CLIC4: variants seen among roughly 807,000 people sequenced by gnomAD.
CLIC4 encodes chloride intracellular channel protein 4.
Under a neutral mutation model 24.6 loss-of-function variants are expected in CLIC4, and 13 were observed. That is an observed-to-expected ratio of 0.53 (90% CI 0.34 to 0.84). The LOEUF is 0.84. Among genes scored for constraint, CLIC4 ranks in the 40% least tolerant of loss-of-function variants. The pLI is 0.01. For synonymous variants in CLIC4, 104 were observed against 111.3 expected (o/e 0.93, Z 0.41); for missense variants, 227 against 301.7 (o/e 0.75, Z 1.83).
chr1:24,787,094 T>A (rs954651991), intron 1 of CLIC4, among the ~76,000 whole-genome samples: 19 of 152,312 alleles, frequency 1.2e-4, no homozygotes, highest in South Asian at 4.1e-4. Context: ...GCTAATTTTT[T>A]AAAATTTTTT....
chr1:24,758,647 G>A (rs1164069848), intron 1 of CLIC4, among the ~76,000 whole-genome samples: 7 of 152,172 alleles, frequency 4.6e-5, no homozygotes, highest in African/African-American at 1.4e-4. Context: ...AGTAGAGACA[G>A]GGTTTCGCCG....
chr1:24,768,340 A>C (rs183333812), intron 1 of CLIC4, among the ~76,000 whole-genome samples: 31 of 152,304 alleles, frequency 2.0e-4, no homozygotes, highest in African/African-American at 5.3e-4. Flanking sequence ...ACAACTGAAC[A>C]GGTCATATAT....
intron 1 of CLIC4, among the ~76,000 whole-genome samples, chr1:24,763,456 C>A (rs1176106212): frequency 6.7e-6 from 1 of 148,700 alleles, no homozygotes; most frequent in Non-Finnish European, 1.5e-5. Flanking sequence ...AGGAGAATCA[C>A]CTGAACCTGG....
At chr1:24,807,777 C>T (rs1639568071) in intron 2 of CLIC4, among the ~76,000 whole-genome samples, 6 of 152,180 alleles carry the variant, frequency 3.9e-5, no homozygotes, top group Middle Eastern at 3.4e-3. Flanking sequence ...ATCTAATCTA[C>T]CGTGTTCTTA....
At chr1:24,825,233 A>C (rs544806830) in intron 3 of CLIC4, among the ~76,000 whole-genome samples, 1 of 152,294 alleles carries the variant, frequency 6.6e-6, no homozygotes, top group South Asian at 2.1e-4. Flanking sequence ...GGAAAAGGAG[A>C]ATTTGGGAAA....
chr1:24,763,567 A>C (rs929227366), intron 1 of CLIC4, among the ~76,000 whole-genome samples: 1 of 151,564 alleles, frequency 6.6e-6, no homozygotes, highest in African/African-American at 2.4e-5. Flanking sequence ...ATTAAGTTCA[A>C]ATCTATAGTC....
At position 24,814,043 on chromosome 1, in the gene CLIC4, T is replaced by C. The variant is rs774064595; in HGVS notation, c.183-51T>C. 1.9e-6 allele frequency: 3 copies of C among 1,609,574 alleles called. No individual in the cohort carries two copies. The South Asian group carries it at 3.3e-5, about 18-fold the overall frequency. On this transcript the variant is annotated intron_variant, in intron 2 of 5. Transcript: ENST00000374379. ...ACTTTGAGAATTTAAAGTATTATTG[T>C]TGTTTAAGAGTAAAAAATGATCTGA... is the stretch of plus-strand genomic sequence containing the variant.
Position 24,813,163 on chromosome 1 carries a change from C to T in CLIC4, c.183-931C>T, listed in dbSNP as rs146591254. Among the ~76,000 whole-genome samples the T allele has an allele frequency of 1.3e-3, 204 of 151,662 alleles. 1 individual carries two copies. Among genetic ancestry groups the T allele is most frequent in the African/African-American group, 4.1e-3 (169 of 41,354 alleles). On this transcript the variant is annotated intron_variant, in intron 2 of 5. Coordinates refer to ENST00000374379, the MANE Select transcript of CLIC4 (RefSeq NM_013943.3). Reference sequence around the variant, plus strand: ...GATTCAAGCGATTCTCCTGCCTCAGCCTCCTGAGTAGCTGGGATTACAGGC... The same window carrying T: ...GATTCAAGCGATTCTCCTGCCTCAGTCTCCTGAGTAGCTGGGATTACAGGC...
At chr1:24,827,575 T>G (rs980244323) in intron 4 of CLIC4, among the ~76,000 whole-genome samples, 4 of 151,800 alleles carry the variant, frequency 2.6e-5, no homozygotes, top group African/African-American at 7.3e-5. Flanking sequence ...TTGTTTTGTT[T>G]TTGTTGTTGT....
At chr1:24,800,359 C>T (rs1332902391) in intron 2 of CLIC4, among the ~76,000 whole-genome samples, 4 of 138,086 alleles carry the variant, frequency 2.9e-5, no homozygotes, top group East Asian at 2.3e-4. Context: ...GGTCAGCCCC[C>T]CACCCGGCCA....
At chr1:24,840,169 C>A in intron 5 of CLIC4, 128 bp downstream of exon 5, 2 of 818,340 alleles carry the variant, frequency 2.4e-6, no homozygotes, top group South Asian at 2.3e-5. Flanking sequence ...GCTGTTTAGG[C>A]AATAGTTGAA....
chr1:24,835,812 A>G (rs759558667), intron 4 of CLIC4, among the ~76,000 whole-genome samples: 1 of 152,210 alleles, frequency 6.6e-6, no homozygotes, highest in Non-Finnish European at 1.5e-5. Context: ...GGAGAGAAGA[A>G]AAGAACACAG....
At chr1:24,770,949 AT>A (rs1444623373) in intron 1 of CLIC4, among the ~76,000 whole-genome samples, 5 of 152,198 alleles carry the variant, frequency 3.3e-5, no homozygotes, top group Non-Finnish European at 7.3e-5. Context: ...ATAGAACGGA[AT>A]GATGGAATAA....
At chr1:24,838,395 C>T (rs976128869) in intron 4 of CLIC4, among the ~76,000 whole-genome samples, 1 of 152,132 alleles carries the variant, frequency 6.6e-6, no homozygotes, top group Non-Finnish European at 1.5e-5. Flanking sequence ...CCTTTTTATG[C>T]CTATAGCCCC....
At chr1:24,809,979 T>C (rs1236981803) in intron 2 of CLIC4, among the ~76,000 whole-genome samples, 1 of 152,236 alleles carries the variant, frequency 6.6e-6, no homozygotes, top group Non-Finnish European at 1.5e-5. Flanking sequence ...TGCATAAGAA[T>C]AGAATAAACT....
At chr1:24,782,134 A>G (rs1230559791) in intron 1 of CLIC4, among the ~76,000 whole-genome samples, 2 of 152,254 alleles carry the variant, frequency 1.3e-5, no homozygotes, top group Non-Finnish European at 2.9e-5. Flanking sequence ...TTCAATTCAC[A>G]GTGACTTAGA....
rs1323886634 is a variant in CLIC4, at chr1:24,790,113, C to G, written c.73-7629C>G. Among the ~76,000 whole-genome samples the G allele has an allele frequency of 2.0e-5, 3 of 152,126 alleles. No homozygotes were observed. In the East Asian group the frequency reaches 5.8e-4, roughly 29 times the overall value. ...GTTTTGAGACAGTCTGCTCTGTCGC[C>G]CAGGCTGGAGCGCAGTGGCGCGATC... On this transcript the variant is annotated intron_variant, in intron 1 of 5. Transcript: ENST00000374379.
At chr1:24,756,127 G>A (rs1053348954) in intron 1 of CLIC4, among the ~76,000 whole-genome samples, 15 of 151,684 alleles carry the variant, frequency 9.9e-5, no homozygotes, top group African/African-American at 3.6e-4. Flanking sequence ...AGCCTCCCGA[G>A]TAGCTGGGAC....
intron 1 of CLIC4, among the ~76,000 whole-genome samples, chr1:24,779,433 G>A (rs1466740033): frequency 1.3e-5 from 2 of 152,154 alleles, no homozygotes; most frequent in Non-Finnish European, 2.9e-5. Context: ...TTGCGCCACT[G>A]TACTCCAGCC....
Sources: gnomAD v4.1 joint callset for allele counts (sites outside exome capture counted in the v4.1 genomes callset) on GRCh38, gnomAD v4.1.1 for gene constraint, MANE v1.5 for transcripts, NCBI Gene and HGNC (gene_info 2026-07-23, HGNC 2026-07-21) for gene names.